TAFA4: variants seen among roughly 807,000 people sequenced by gnomAD.
The protein encoded by TAFA4 is chemokine-like protein TAFA-4.
TAFA4 carries 20 observed loss-of-function variants against 21.1 expected under a neutral mutation model. That is an observed-to-expected ratio of 0.95 (90% CI 0.67 to 1.38). TAFA4 has a LOEUF of 1.38. Ranked by LOEUF, TAFA4 falls within the 40% of genes most tolerant of loss-of-function variation. TAFA4 has a pLI of 0.00. For missense variants in TAFA4, 211 were observed against 180.9 expected, an observed-to-expected ratio of 1.17 and a Z score of -0.95; for synonymous variants, 71 against 67.4, an observed-to-expected ratio of 1.05 and a Z score of -0.26.
chr3:68,744,112 G>GACTA (rs772672990), intron 4 of TAFA4, among the ~76,000 whole-genome samples: 1 of 152,208 alleles, frequency 6.6e-6, no homozygotes, highest in Non-Finnish European at 1.5e-5. Flanking sequence ...CTCTTCCTCA[G>GACTA]ACTAACTTTC....
chr3:68,903,946 C>G lies in TAFA4; in HGVS notation c.-122-18636G>C, dbSNP rs1394747830. Among the ~76,000 whole-genome samples the G allele has an allele frequency of 2.0e-5, 3 of 151,984 alleles. No individual in the cohort carries two copies. In the East Asian group the frequency reaches 5.8e-4, roughly 29 times the overall value. ...CATCCCATGTGAGCCTAACCTATAA[C>G]CCATTAATCCTTCCAGAAGTTGGAA... On this transcript the variant is annotated intron_variant, in intron 1 of 5. Transcript: ENST00000295569.
intron 3 of TAFA4, among the ~76,000 whole-genome samples, chr3:68,782,732 G>T (rs1322325027): frequency 1.3e-5 from 2 of 152,142 alleles, no homozygotes; most frequent in Admixed American, 6.5e-5. Context: ...GATCGCCAGG[G>T]CTAAGGAGAG....
intron 3 of TAFA4, among the ~76,000 whole-genome samples, chr3:68,754,451 T>A (rs1319868004): frequency 6.6e-6 from 1 of 152,192 alleles, no homozygotes; most frequent in Non-Finnish European, 1.5e-5. Flanking sequence ...TGGATTTGTG[T>A]GATGCTTCCT....
intron 5 of TAFA4, among the ~76,000 whole-genome samples, chr3:68,738,277 G>A (rs563984453): frequency 5.9e-5 from 9 of 152,182 alleles, no homozygotes; most frequent in Non-Finnish European, 1.0e-4. Flanking sequence ...AGAAGGAAGC[G>A]GAGGTGGTTT....
intron 3 of TAFA4, among the ~76,000 whole-genome samples, chr3:68,846,437 A>C (rs1470873990): frequency 6.6e-6 from 1 of 151,932 alleles, no homozygotes; most frequent in Non-Finnish European, 1.5e-5. Context: ...CAAGGTTCTT[A>C]GTCTTCCTTG....
intron 3 of TAFA4, among the ~76,000 whole-genome samples, chr3:68,793,885 G>A (rs1170516803): frequency 6.6e-6 from 1 of 152,162 alleles, no homozygotes; most frequent in South Asian, 2.1e-4. Flanking sequence ...ACCTTACTGT[G>A]TTTAATGGTG....
chr3:68,915,089 A>G (rs552598704), intron 1 of TAFA4, among the ~76,000 whole-genome samples: 16 of 152,276 alleles, frequency 1.1e-4, no homozygotes, highest in African/African-American at 3.9e-4. Flanking sequence ...GCTCAAGTGG[A>G]TACCTTTCAT....
chr3:68,918,154 C>A (rs1201071379), intron 1 of TAFA4, among the ~76,000 whole-genome samples: 5 of 151,536 alleles, frequency 3.3e-5, no homozygotes, highest in African/African-American at 4.9e-5. Context: ...CACACACACA[C>A]AAACACATTT....
At chr3:68,761,113 T>A (rs184792972) in intron 3 of TAFA4, among the ~76,000 whole-genome samples, 1 of 152,348 alleles carries the variant, frequency 6.6e-6, no homozygotes, top group East Asian at 1.9e-4. Context: ...GCTTCCAGAC[T>A]TAGGTAATTT....
intron 3 of TAFA4, among the ~76,000 whole-genome samples, chr3:68,797,487 C>A (rs1703475210): frequency 6.6e-6 from 1 of 151,876 alleles, no homozygotes; most frequent in South Asian, 2.1e-4. Context: ...GTGGCACACA[C>A]CTGTAGGACC....
chr3:68,752,245 A>G (rs914963645), intron 4 of TAFA4, among the ~76,000 whole-genome samples: 1 of 152,202 alleles, frequency 6.6e-6, no homozygotes, highest in African/African-American at 2.4e-5. Flanking sequence ...TGTTTCTAAC[A>G]CGGCGTCTGC....
intron 3 of TAFA4, among the ~76,000 whole-genome samples, chr3:68,813,562 C>G (rs1245620585): frequency 6.6e-6 from 1 of 152,152 alleles, no homozygotes; most frequent in African/African-American, 2.4e-5. Context: ...ACTAGAAAAT[C>G]TAGAAGAAAT....
At chr3:68,805,942 A>C (rs536493483) in intron 3 of TAFA4, among the ~76,000 whole-genome samples, 1 of 152,264 alleles carries the variant, frequency 6.6e-6, no homozygotes, top group South Asian at 2.1e-4. Flanking sequence ...GTACCCTAAA[A>C]CTTAAAGTAT....
At chr3:68,897,102 A>T (rs1452455891) in intron 1 of TAFA4, among the ~76,000 whole-genome samples, 1 of 151,846 alleles carries the variant, frequency 6.6e-6, no homozygotes, top group Non-Finnish European at 1.5e-5. Context: ...GGGTTTTGCC[A>T]TGTTGGCCAG....
intron 3 of TAFA4, among the ~76,000 whole-genome samples, chr3:68,827,270 T>A (rs1255974751): frequency 6.6e-6 from 1 of 152,238 alleles, no homozygotes; most frequent in African/African-American, 2.4e-5. Context: ...CACATTTTCT[T>A]TATCCAGTCT....
intron 3 of TAFA4, among the ~76,000 whole-genome samples, chr3:68,819,240 T>C (rs947461036): frequency 2.2e-4 from 31 of 141,192 alleles, no homozygotes; most frequent in South Asian, 6.7e-4. Context: ...ACTGCACACC[T>C]GCCTGGGTGA....
chr3:68,741,637 A>T (rs1303946663), intron 4 of TAFA4, among the ~76,000 whole-genome samples: 8 of 151,664 alleles, frequency 5.3e-5, no homozygotes, highest in Non-Finnish European at 7.4e-5. Flanking sequence ...TACTAAAAAT[A>T]AAAAAAAGCC....
At chr3:68,836,868 C>T (rs942088301) in intron 3 of TAFA4, among the ~76,000 whole-genome samples, 2 of 152,096 alleles carry the variant, frequency 1.3e-5, no homozygotes, top group African/African-American at 4.8e-5. Context: ...TGTGTATTCT[C>T]CTAGGATTTG....
intron 3 of TAFA4, among the ~76,000 whole-genome samples, chr3:68,770,873 A>G (rs1257454967): frequency 6.6e-6 from 1 of 152,112 alleles, no homozygotes; most frequent in Admixed American, 6.5e-5. Context: ...TTTTGTGCCC[A>G]AAAAGTTGCC....
Sources: gnomAD v4.1 joint callset for allele counts (sites outside exome capture counted in the v4.1 genomes callset) on GRCh38, gnomAD v4.1.1 for gene constraint, MANE v1.5 for transcripts, NCBI Gene and HGNC (gene_info 2026-07-23, HGNC 2026-07-21) for gene names.